The following GNL3L variants were observed in gnomAD, a reference collection of about 807,000 sequenced individuals.
GNL3L encodes the protein G protein nucleolar 3 like.
GNL3L carries 4 observed loss-of-function variants against 42.9 expected under a neutral mutation model. The ratio of observed to expected loss-of-function variants is 0.09; its 90% confidence interval spans 0.05 to 0.21. The LOEUF is 0.21. Ranked by LOEUF, GNL3L falls within the 10% of genes least tolerant of loss-of-function variation. The pLI is 1.00. For missense variants in GNL3L, 412 were observed against 481.7 expected (o/e 0.86, Z 1.36); for synonymous variants, 159 against 176.3 (o/e 0.90, Z 0.78).
intron 13 of GNL3L, among the ~76,000 whole-genome samples, 184 bp downstream of exon 13, chrX:54,552,612 G>A (rs1924981633): frequency 8.9e-6 from 1 of 111,925 alleles, no homozygotes; most frequent in Admixed American, 9.5e-5. Flanking sequence ...GGCCCTGGCA[G>A]GGCGGGTTGG....
intron 16 of GNL3L, among the ~76,000 whole-genome samples, chrX:54,573,866 T>C (rs1410408103): frequency 9.1e-6 from 1 of 110,175 alleles, no homozygotes; most frequent in Non-Finnish European, 1.9e-5. Flanking sequence ...TTTTTTTTTT[T>C]TTTGCATAAC....
At chrX:54,611,976 G>T (rs1427914649) in intron 16 of GNL3L, among the ~76,000 whole-genome samples, 1 of 111,908 alleles carries the variant, frequency 8.9e-6, no homozygotes, top group Non-Finnish European at 1.9e-5. Context: ...TTGTTTCTTT[G>T]TTCACTTTCT....
chrX:54,608,602 A>T (rs1926128543), intron 16 of GNL3L, among the ~76,000 whole-genome samples: 1 of 110,642 alleles, frequency 9.0e-6, no homozygotes, highest in Non-Finnish European at 1.9e-5. Context: ...AGAACATACG[A>T]TACTTGGTTT....
chrX:54,550,492 C>T (rs752335354), intron 9 of GNL3L, among the ~76,000 whole-genome samples: 4 of 111,585 alleles, frequency 3.6e-5, no homozygotes, highest in Non-Finnish European at 7.5e-5. Context: ...AAGACATCCA[C>T]AGGCTGAGAA....
chrX:54,586,881 C>T (rs1925790148), intron 16 of GNL3L, among the ~76,000 whole-genome samples: 2 of 111,154 alleles, frequency 1.8e-5, no homozygotes, highest in Non-Finnish European at 3.8e-5. Flanking sequence ...TGTCTGAGAT[C>T]GGGCCCACTC....
rs567172499 is a variant in GNL3L, at chrX:54,564,402, CTTTT to C, written c.*3817_*3820del. Among the ~76,000 whole-genome samples the C allele has an allele frequency of 5.0e-5, 4 of 80,806 alleles. No individual in the cohort carries two copies. The highest frequency in any genetic ancestry group is 5.0e-5 in the African/African-American group (1 of 20,058). 70.2% of individuals were successfully genotyped at this position (80,806 alleles called of 115,157 possible). A position where few individuals can be genotyped will look rare whatever the true frequency, so the allele number is the denominator to read the frequency against. ...AGTCACTGGTTTTTTTCTTCGTTCT[CTTTT>C]TTTTTTTTTTTTTTTTGAGACAGAG... On this transcript the variant is annotated 3_prime_UTR_variant, in exon 16 of 16. Coordinates refer to ENST00000360845, the MANE Select transcript of GNL3L (RefSeq NM_001184819.2).
chrX:54,549,900 G>A (rs191881235), intron 9 of GNL3L, among the ~76,000 whole-genome samples: 13 of 111,006 alleles, frequency 1.2e-4, no homozygotes, highest in Non-Finnish European at 1.5e-4. Flanking sequence ...GGAGAGAGTA[G>A]AAGAGACACC....
intron 2 of GNL3L, among the ~76,000 whole-genome samples, chrX:54,533,090 A>G (rs1414647212): frequency 8.9e-6 from 1 of 111,942 alleles, no homozygotes; most frequent in Admixed American, 9.5e-5. Context: ...TTCTCAATTT[A>G]CAGATGAGGA....
At chrX:54,624,442 T>C (rs1344262552), downstream of GNL3L, among the ~76,000 whole-genome samples, 1 of 101,174 alleles carries the variant, frequency 9.9e-6, no homozygotes, top group Non-Finnish European at 2.0e-5. Context: ...CTTTTTCTTT[T>C]TTTTTTTTTT....
chrX:54,608,087 A>G (rs1305685985), intron 16 of GNL3L, among the ~76,000 whole-genome samples: 1 of 111,916 alleles, frequency 8.9e-6, no homozygotes, highest in African/African-American at 3.2e-5. Context: ...TAGCTAACAA[A>G]TTAAATAGAA....
intron 15 of GNL3L, among the ~76,000 whole-genome samples, chrX:54,559,423 GTTAGT>G (rs1404156278): frequency 8.9e-6 from 1 of 111,897 alleles, no homozygotes; most frequent in African/African-American, 3.3e-5. Context: ...TCGTCAGCCA[GTTAGT>G]TTATTGTGTC....
intron 16 of GNL3L, among the ~76,000 whole-genome samples, chrX:54,590,910 A>G (rs921953450): frequency 2.7e-5 from 3 of 110,485 alleles, no homozygotes; most frequent in African/African-American, 9.9e-5. Context: ...GGCTCGCTGC[A>G]ACCTCTGCCT....
chrX:54,558,658 G>C lies in GNL3L; in HGVS notation c.1666+3G>C, dbSNP rs1487290527. 8.6e-7 allele frequency: 1 copy of C among 1,168,652 alleles called. No individual in the cohort carries two copies. The highest frequency in any genetic ancestry group is 2.3e-5 in the Admixed American group (1 of 43,655). On this transcript the variant is annotated splice_donor_region_variant and intron_variant, in intron 15 of 15. Transcript: ENST00000360845. ...GAAGAAGATGCAGAAACGTGCAGGT[G>C]GGAGCCCCAGACCAACCCTGTGCTC...
chrX:54,565,596 A>C lies in GNL3L; in HGVS notation c.*4994A>C, dbSNP rs763238486. Among the ~76,000 whole-genome samples, 9 of 110,992 alleles carry C rather than the reference A, an allele frequency of 8.1e-5. No individual in the cohort carries two copies. The highest frequency in any genetic ancestry group is 1.1e-4 in the Non-Finnish European group (6 of 53,023). Reference sequence around the variant, plus strand: ...GTAATCCTCCCATCTCGGTCTCCCAAAGTGCTAGGATTACAGGTGTGAGCC... The same window carrying C: ...GTAATCCTCCCATCTCGGTCTCCCACAGTGCTAGGATTACAGGTGTGAGCC... On this transcript the variant is annotated 3_prime_UTR_variant, in exon 16 of 16. Transcript: ENST00000360845.
At position 54,548,246 on chromosome X, in the gene GNL3L, A is replaced by G. The variant is rs1035007195; in HGVS notation, c.648A>G (p.Pro216=). 3.3e-6 allele frequency: 4 copies of G among 1,205,441 alleles called. No individual in the cohort carries two copies. The highest frequency in any genetic ancestry group is 2.3e-4 in the Middle Eastern group (1 of 4,305). The change falls in exon 9 of 16, where the codon CCA becomes CCG. Residue 216 remains proline (P), a synonymous_variant. Coordinates refer to ENST00000360845, the MANE Select transcript of GNL3L (RefSeq NM_001184819.2). ...TTTTCCAGAATCGTTGCAGTGTGCC[A>G]GTAGATCAGGCCTCTGAGTCACTGC... ...QVKNLNRCSV[P]VDQASESLLK...
At chrX:54,611,711 G>A (rs1332700915) in intron 16 of GNL3L, among the ~76,000 whole-genome samples, 2 of 111,831 alleles carry the variant, frequency 1.8e-5, no homozygotes, top group South Asian at 7.5e-4. Flanking sequence ...GTCTGAGAGA[G>A]TGCTTGATAT....
chrX:54,614,798 T>C (rs1346437460), intron 16 of GNL3L, among the ~76,000 whole-genome samples: 1 of 111,464 alleles, frequency 9.0e-6, no homozygotes, highest in African/African-American at 3.3e-5. Context: ...AGGTGCAGTC[T>C]GCTTCCTTCA....
At chrX:54,632,186 C>T in the GNL3L span, among the ~76,000 whole-genome samples, 4 of 111,437 alleles carry the variant, frequency 3.6e-5, no homozygotes, top group Non-Finnish European at 7.5e-5. Flanking sequence ...GATGCTTTTG[C>T]CTCACAGCTC....
At position 54,555,021 on chromosome X, in the gene GNL3L, A is replaced by AT. The variant is rs752860292; in HGVS notation, c.1446+338dup. Among the ~76,000 whole-genome samples, 493 of 107,326 alleles carry AT rather than the reference A, an allele frequency of 4.6e-3. 4 individuals are homozygous for AT. The highest frequency in any genetic ancestry group is 0.016 in the African/African-American group (460 of 29,454). 93.2% of individuals were successfully genotyped at this position (107,326 alleles called of 115,157 possible). The stretch of plus-strand genomic sequence containing the variant: ...ATTTTATTTTATTTTTTATTTTTTT[A>AT]TTTTTTTTTGAGATAGAGTCTCACT... On this transcript the variant is annotated intron_variant, in intron 14 of 15. Coordinates refer to ENST00000360845, the MANE Select transcript of GNL3L (RefSeq NM_001184819.2).
Sources: allele counts gnomAD v4.1 joint callset (sites outside exome capture counted in the v4.1 genomes callset), GRCh38; gene constraint gnomAD v4.1.1; transcripts MANE v1.5; gene names NCBI Gene and HGNC (gene_info 2026-07-23, HGNC 2026-07-21).